The following KCNQ5 variants were observed in gnomAD, a reference collection of about 807,000 sequenced individuals.
KCNQ5 encodes potassium voltage-gated channel subfamily KQT member 5.
Under a neutral mutation model 98.2 loss-of-function variants are expected in KCNQ5, and 30 were observed. The observed-to-expected ratio is 0.31, with a 90% CI of 0.23 to 0.41. The LOEUF is 0.41. KCNQ5 is among the 10% of genes least tolerant of loss of function. The pLI is 1.00. For synonymous variants in KCNQ5, 458 were observed against 449.4 expected (o/e 1.02, Z -0.24); for missense variants, 835 against 1,182.5 (o/e 0.71, Z 4.31).
intron 1 of KCNQ5, among the ~76,000 whole-genome samples, chr6:72,879,781 A>C (rs2150171607): frequency 6.6e-6 from 1 of 152,034 alleles, no homozygotes; most frequent in East Asian, 1.9e-4. Flanking sequence ...TTTAAAGTCT[A>C]ATTTATTTTG....
intron 2 of KCNQ5, among the ~76,000 whole-genome samples, chr6:73,028,447 G>T (rs942443976): frequency 6.6e-6 from 1 of 152,176 alleles, no homozygotes; most frequent in African/African-American, 2.4e-5. Context: ...CCACTGCTGT[G>T]GGTTCCTTGT....
At chr6:73,039,807 C>T (rs967417897) in intron 2 of KCNQ5, among the ~76,000 whole-genome samples, 10 of 152,146 alleles carry the variant, frequency 6.6e-5, no homozygotes, top group Non-Finnish European at 1.0e-4. Context: ...TGAAATGTCT[C>T]ATATCAGTCA....
chr6:72,773,441 A>G (rs1400703033), intron 1 of KCNQ5, among the ~76,000 whole-genome samples: 1 of 152,050 alleles, frequency 6.6e-6, no homozygotes, highest in Non-Finnish European at 1.5e-5. Context: ...ATCACACACC[A>G]GGGCCTGTCA....
intron 7 of KCNQ5, among the ~76,000 whole-genome samples, chr6:73,113,794 G>T (rs1775363041): frequency 6.6e-6 from 1 of 152,244 alleles, no homozygotes; most frequent in Non-Finnish European, 1.5e-5. Flanking sequence ...CAGGCTAATT[G>T]AACAGTTTTA....
intron 3 of KCNQ5, among the ~76,000 whole-genome samples, chr6:73,076,241 CA>C (rs1281662432): frequency 6.6e-6 from 1 of 152,210 alleles, no homozygotes; most frequent in Non-Finnish European, 1.5e-5. Flanking sequence ...CTCACTTATA[CA>C]GCAGTTAATC....
chr6:72,690,695 C>T (rs1768173994), intron 1 of KCNQ5, among the ~76,000 whole-genome samples: 3 of 150,990 alleles, frequency 2.0e-5, no homozygotes. Flanking sequence ...CAGCCCATGC[C>T]TCCTGAAATC....
chr6:72,881,020 C>T (rs1052604430), intron 1 of KCNQ5, among the ~76,000 whole-genome samples: 1 of 152,132 alleles, frequency 6.6e-6, no homozygotes, highest in African/African-American at 2.4e-5. Flanking sequence ...TACAACTGGA[C>T]AGTGCTGATA....
At chr6:72,964,827 C>G (rs1417834928) in intron 1 of KCNQ5, among the ~76,000 whole-genome samples, 2 of 152,178 alleles carry the variant, frequency 1.3e-5, no homozygotes, top group Non-Finnish European at 2.9e-5. Flanking sequence ...TTCGGGTTCT[C>G]AACTGAGTTT....
At chr6:72,667,076 A>T (rs1313745163) in intron 1 of KCNQ5, among the ~76,000 whole-genome samples, 1 of 152,044 alleles carries the variant, frequency 6.6e-6, no homozygotes, top group African/African-American at 2.4e-5. Flanking sequence ...TTTTTCAAAG[A>T]AGATGTGAGA....
intron 1 of KCNQ5, among the ~76,000 whole-genome samples, chr6:72,877,577 A>G (rs1337438297): frequency 6.6e-6 from 1 of 152,192 alleles, no homozygotes; most frequent in Non-Finnish European, 1.5e-5. Flanking sequence ...TTGGGTATAT[A>G]CCCAGTAATG....
intron 10 of KCNQ5, among the ~76,000 whole-genome samples, chr6:73,159,997 G>T (rs142953545): frequency 2.1e-3 from 183 of 86,392 alleles, no homozygotes; most frequent in African/African-American, 0.015. Flanking sequence ...GGTTTTTTTT[G>T]TTTGTTTGTT....
rs137957216 is a variant in KCNQ5 at position 72,895,625 on chromosome 6, A to G, written c.399-108283A>G. On this transcript the variant is annotated intron_variant, in intron 1 of 13. Transcript: ENST00000370398. ...AACTCAATTTCTGAGTTGTTGAACC[A>G]CTGAGGAATATGTATAATATATATT... is the stretch of plus-strand genomic sequence containing the variant. Among the ~76,000 whole-genome samples, 706 of 150,212 alleles carry G rather than the reference A, an allele frequency of 4.7e-3. 13 individuals carry two copies. The highest frequency in any genetic ancestry group is 0.02 in the East Asian group (105 of 5,154).
Position 73,195,042 on chromosome 6 carries a change from C to A in KCNQ5, c.2427C>A (p.Asp809Glu). 10 of 1,614,180 alleles carry A rather than the reference C, an allele frequency of 6.2e-6. No individual in the cohort carries two copies. The highest frequency in any genetic ancestry group is 8.5e-6 in the Non-Finnish European group (10 of 1,180,042). Residue 809 changes from aspartate to glutamate, a missense_variant, in exon 14 of 14, where the codon GAC becomes GAA. This residue lies in a region of KCNQ5 where 416 missense variants were observed against 446.9 expected (regional missense o/e 0.93). Transcript: ENST00000370398. ...ACCGTTCTATGAGGAAAAGCTTTGA[C>A]ATGGGAGGAGAAACTCTGTTGTCTG... ...TKDRSMRKSF[D>E]MGGETLLSVC...
intron 10 of KCNQ5, among the ~76,000 whole-genome samples, chr6:73,137,340 C>A (rs991698758): frequency 3.3e-5 from 5 of 152,136 alleles, no homozygotes; most frequent in African/African-American, 9.7e-5. Flanking sequence ...TAGAAAGTAG[C>A]AGGCAGATGC....
intron 1 of KCNQ5, among the ~76,000 whole-genome samples, chr6:72,659,987 G>A (rs1284874066): frequency 1.3e-5 from 2 of 152,066 alleles, no homozygotes; most frequent in African/African-American, 2.4e-5. Context: ...GGCTGCTTAC[G>A]GAGTTTCCTA....
In KCNQ5 at chr6:72,622,425, G is replaced by T. The variant is rs576307777; in HGVS notation, c.236G>T (p.Arg79Leu). ...GGGGGGLRES[R>L]RGKQGARMSL... Reference sequence around the variant, plus strand: ...GGCGGCGGTGGCCTGAGGGAGAGCCGCCGGGGCAAGCAGGGGGCCCGGATG... The same window carrying T: ...GGCGGCGGTGGCCTGAGGGAGAGCCTCCGGGGCAAGCAGGGGGCCCGGATG... Residue 79 changes from arginine (R) to leucine (L), a missense_variant, in exon 1 of 14, where the codon CGC becomes CTC. Physicochemically the swap from Arg to Leu is moderately radical, Grantham distance 102 (BLOSUM62 -2). Transcript: ENST00000370398. This position sits in a 1 kb window ranked among gnomAD's most constrained non-coding sequence, Gnocchi z 6.0. The T allele has an allele frequency of 1.4e-5, 21 of 1,539,226 alleles. No homozygotes were observed. In the East Asian group the frequency reaches 5.2e-4, roughly 38 times the overall value.
At chr6:72,906,380 G>A (rs1330871878) in intron 1 of KCNQ5, among the ~76,000 whole-genome samples, 5 of 152,328 alleles carry the variant, frequency 3.3e-5, no homozygotes, top group African/African-American at 7.2e-5. Context: ...GAGTCTGCAC[G>A]CTGGATTTGC....
At chr6:73,020,586 T>G (rs1770557681) in intron 2 of KCNQ5, among the ~76,000 whole-genome samples, 1 of 152,124 alleles carries the variant, frequency 6.6e-6, no homozygotes, top group Non-Finnish European at 1.5e-5. Flanking sequence ...GATCATCAAC[T>G]TAACATTCAG....
At chr6:72,905,856 A>T (rs1779677311) in intron 1 of KCNQ5, among the ~76,000 whole-genome samples, 1 of 152,152 alleles carries the variant, frequency 6.6e-6, no homozygotes, top group South Asian at 2.1e-4. Context: ...TTAATGCTCT[A>T]TCTTTATGCT....
Sources: gnomAD v4.1 joint callset for allele counts (sites outside exome capture counted in the v4.1 genomes callset) on GRCh38, gnomAD v4.1.1 for gene constraint, gnomAD v4.1.1 regional missense constraint, Gnocchi (gnomAD v3.1) non-coding constraint, MANE v1.5 for transcripts, NCBI Gene and HGNC (gene_info 2026-07-23, HGNC 2026-07-21) for gene names.